CATSPERT: variants seen among roughly 807,000 people sequenced by gnomAD.
CATSPERT encodes the protein cation channel sperm-associated targeting subunit tau.
At chr2:201,541,531 T>TTATTTATA in the CATSPERT span, among the ~76,000 whole-genome samples, 8 of 92,746 alleles carry the variant, frequency 8.6e-5, no homozygotes, top group African/African-American at 2.3e-4. Context: ...TCAGATGATT[T>TTATTTATA]TATATATATA....
chr2:201,536,213 T>A, the CATSPERT span: 1 of 1,613,506 alleles, frequency 6.2e-7, no homozygotes, highest in Non-Finnish European at 8.5e-7. Context: ...CTTCTGTGGG[T>A]GAAGGTGTTG....
the CATSPERT span, among the ~76,000 whole-genome samples, chr2:201,498,915 G>T: frequency 8.0e-5 from 12 of 150,086 alleles, no homozygotes; most frequent in Non-Finnish European, 1.6e-4. Flanking sequence ...GCAGAGTAAC[G>T]ATTGCTGAGA....
the CATSPERT span, among the ~76,000 whole-genome samples, chr2:201,598,229 T>G: frequency 2.6e-5 from 4 of 152,146 alleles, no homozygotes; most frequent in Admixed American, 6.5e-5. Context: ...GCCTCCAGAG[T>G]AGCTGGCACT....
the CATSPERT span, among the ~76,000 whole-genome samples, chr2:201,588,623 A>G: frequency 6.6e-6 from 1 of 150,604 alleles, no homozygotes; most frequent in Admixed American, 6.6e-5. Flanking sequence ...ACAAACCTCA[A>G]CTTTATTCAG....
the CATSPERT span, among the ~76,000 whole-genome samples, chr2:201,561,736 T>C: frequency 6.6e-6 from 1 of 151,968 alleles, no homozygotes. Flanking sequence ...TAGCCGGGCA[T>C]GGTGGCACAT....
the CATSPERT span, among the ~76,000 whole-genome samples, chr2:201,488,364 T>C: frequency 6.6e-6 from 1 of 152,232 alleles, no homozygotes; most frequent in Non-Finnish European, 1.5e-5. Flanking sequence ...CATCCAAAAT[T>C]TGATCTTTCA....
At chr2:201,570,920 C>T in the CATSPERT span, among the ~76,000 whole-genome samples, 1 of 152,216 alleles carries the variant, frequency 6.6e-6, no homozygotes, top group Admixed American at 6.5e-5. Context: ...CTTGATCATT[C>T]TTTCCTCCCC....
chr2:201,586,318 C>T, the CATSPERT span, among the ~76,000 whole-genome samples: 3 of 151,664 alleles, frequency 2.0e-5, no homozygotes, highest in African/African-American at 7.3e-5. Context: ...AAGCATCAAC[C>T]GTACTCAATC....
chr2:201,494,325 T>C, the CATSPERT span: 10 of 1,537,184 alleles, frequency 6.5e-6, no homozygotes, highest in Non-Finnish European at 7.8e-6. Flanking sequence ...TGAGTATCAT[T>C]GATTGTTTTA....
chr2:201,500,370 C>T, the CATSPERT span, among the ~76,000 whole-genome samples: 1 of 151,902 alleles, frequency 6.6e-6, no homozygotes, highest in Non-Finnish European at 1.5e-5. Flanking sequence ...AAAAATTAGC[C>T]GGGCATGGTG....
chr2:201,538,872 T>C, the CATSPERT span, among the ~76,000 whole-genome samples: 2 of 152,142 alleles, frequency 1.3e-5, no homozygotes, highest in African/African-American at 2.4e-5. Context: ...TATGTGTCCA[T>C]GTGCTCTCAT....
the CATSPERT span, among the ~76,000 whole-genome samples, chr2:201,600,484 T>G: frequency 2.6e-5 from 4 of 152,212 alleles, no homozygotes; most frequent in African/African-American, 9.6e-5. Context: ...ATACCTAATG[T>G]AAATGATGAC....
the CATSPERT span, among the ~76,000 whole-genome samples, chr2:201,576,157 CCTTGCCATAA>C: frequency 6.6e-6 from 1 of 152,158 alleles, no homozygotes; most frequent in Non-Finnish European, 1.5e-5. Flanking sequence ...TATCGAGCAT[CCTTGCCATAA>C]CTAACTCCAT....
chr2:201,563,328 C>G, the CATSPERT span, among the ~76,000 whole-genome samples: 1 of 136,910 alleles, frequency 7.3e-6, no homozygotes, highest in Non-Finnish European at 1.6e-5. Flanking sequence ...CTGACCCCCC[C>G]ACCTCCCTCC....
chr2:201,535,931 G>A, the CATSPERT span: 15 of 1,567,764 alleles, frequency 9.6e-6, no homozygotes, highest in Non-Finnish European at 1.3e-5. Context: ...TTTCAGCTAA[G>A]TTTAGATTGT....
chr2:201,563,488 G>T, the CATSPERT span, among the ~76,000 whole-genome samples: 1 of 130,552 alleles, frequency 7.7e-6, no homozygotes, highest in African/African-American at 2.9e-5. Flanking sequence ...CTCCCTCCCG[G>T]ACGGGGCGGC....
the CATSPERT span, among the ~76,000 whole-genome samples, chr2:201,614,991 A>G: frequency 3.3e-5 from 5 of 152,360 alleles, no homozygotes; most frequent in Middle Eastern, 3.4e-3. Flanking sequence ...AAAGGGATCA[A>G]TTCAACAAGA....
chr2:201,601,654 C>T, the CATSPERT span: 1 of 1,317,408 alleles, frequency 7.6e-7, no homozygotes, highest in Non-Finnish European at 1.0e-6. Context: ...CTTTTCTACT[C>T]ATTTTTATAA....
the CATSPERT span, among the ~76,000 whole-genome samples, chr2:201,538,766 G>A: frequency 1.3e-5 from 2 of 152,126 alleles, no homozygotes; most frequent in African/African-American, 4.8e-5. Context: ...TTCATCACCA[G>A]GTATTAAGCC....
Sources: allele counts gnomAD v4.1 joint callset (sites outside exome capture counted in the v4.1 genomes callset), GRCh38; gene constraint gnomAD v4.1.1; transcripts MANE v1.5; gene names NCBI Gene and HGNC (gene_info 2026-07-23, HGNC 2026-07-21).